The following NAPB variants were observed in gnomAD, a reference collection of about 807,000 sequenced individuals.
The protein encoded by NAPB is NSF attachment protein beta.
NAPB carries 26 observed loss-of-function variants against 44.7 expected under a neutral mutation model. The ratio of observed to expected loss-of-function variants is 0.58; its 90% CI spans 0.43 to 0.81. The LOEUF (loss-of-function observed/expected upper bound fraction) is 0.81. NAPB is among the 30% of genes least tolerant of loss of function. The pLI, the probability that NAPB is intolerant of heterozygous loss-of-function variation, is 0.00. For missense variants in NAPB, 315 were observed against 356.4 expected (o/e 0.88, Z 0.94); for synonymous variants, 120 against 116.8 (o/e 1.03, Z -0.18).
intron 8 of NAPB, among the ~76,000 whole-genome samples, chr20:23,380,371 C>CT (rs1245744493): frequency 6.6e-6 from 1 of 152,208 alleles, no homozygotes; most frequent in African/African-American, 2.4e-5. Flanking sequence ...GGCTGCCTGT[C>CT]TTTTTGCCTC....
chr20:23,397,303 G>T, intron 2 of NAPB, 115 bp from the exon 3 acceptor site: 1 of 1,300,584 alleles, frequency 7.7e-7, no homozygotes, highest in Non-Finnish European at 1.0e-6. Context: ...AAGCATTCTA[G>T]TCAGAAGCAA....
At chr20:23,419,720 T>C (rs1986253168) in intron 1 of NAPB, among the ~76,000 whole-genome samples, 4 of 152,226 alleles carry the variant, frequency 2.6e-5, no homozygotes, top group Admixed American at 2.6e-4. Context: ...AAACAAAACA[T>C]AATTCATAGC....
chr20:23,394,590 G>C, intron 5 of NAPB, among the ~76,000 whole-genome samples: 1 of 152,312 alleles, frequency 6.6e-6, no homozygotes, highest in African/African-American at 2.4e-5. Flanking sequence ...GTGTACAGAG[G>C]TGACCTCTTA....
chr20:23,395,225 TTCAG>T, intron 3 of NAPB, 40 bp from the exon 4 acceptor site: 1 of 1,610,126 alleles, frequency 6.2e-7, no homozygotes, highest in Non-Finnish European at 8.5e-7. Flanking sequence ...GAAAAATCCA[TTCAG>T]TCAAAGAGGG....
At position 23,375,002 on chromosome 20, in the gene NAPB, T is replaced by A. The variant is rs966294639; in HGVS notation, c.*2374A>T. The A allele has an allele frequency of 6.6e-6, 1 of 152,184 alleles. No homozygotes were observed. Among genetic ancestry groups the A allele is most frequent in the African/African-American group, 2.4e-5 (1 of 41,454 alleles). The allele number at this position is 152,184 out of a possible 1,614,324, so 9.4% of individuals were successfully genotyped here. A position where few individuals can be genotyped will look rare whatever the true frequency, so the allele number is the denominator to read the frequency against. On this transcript the variant is annotated 3_prime_UTR_variant, in exon 11 of 11. Transcript: ENST00000377026. ...TTGTTCATAAGTAACATTCTATAAA[T>A]CTTGAAGACCTAGCTCACAGGCATC...
Position 23,397,090 on chromosome 20 carries a change from T to G in NAPB, c.277A>C (p.Lys93Gln). The G allele has an allele frequency of 6.2e-7, 1 of 1,613,392 alleles. No homozygotes were observed. The highest frequency in any genetic ancestry group is 8.5e-7 in the Non-Finnish European group (1 of 1,179,370). Reference sequence around the variant, plus strand: ...GTCTTACCTTGGGGATCTGCCTTTTTGTAAGCATTTCCAGCATCCACAAAG... The same window carrying G: ...GTCTTACCTTGGGGATCTGCCTTTTGGTAAGCATTTCCAGCATCCACAAAG... ...TSFVDAGNAYKKADPQEAINC... is the reference protein window; with the variant it reads ...TSFVDAGNAYQKADPQEAINC... The change falls in exon 3 of 11, where the codon AAA (lysine) becomes CAA (glutamine). Residue 93 changes from lysine to glutamine, a missense_variant. Coordinates refer to ENST00000377026, the MANE Select transcript of NAPB (RefSeq NM_022080.3).
rs143746113 is a variant in NAPB, at chr20:23,391,188, G to A, written c.421-924C>T. Among the ~76,000 whole-genome samples the A allele has an allele frequency of 1.1e-3, 164 of 152,232 alleles. 2 individuals carry two copies. The East Asian group carries it at 0.024, about 22-fold the overall frequency. On this transcript the variant is annotated intron_variant, in intron 5 of 10. Transcript: ENST00000377026. ...TTAGCCGGGCGTGGTGTGGGCACCC[G>A]TAATCCCAGCTACTTGGGAGGCTGA...
intron 1 of NAPB, among the ~76,000 whole-genome samples, chr20:23,420,809 G>GC (rs66487020): frequency 0.075 from 11,180 of 148,576 alleles, 475 homozygotes; most frequent in East Asian, 0.17. Flanking sequence ...GAGGCTGACA[G>GC]CCCCCCCCCC....
Position 23,379,500 on chromosome 20 carries a change from T to C in NAPB, c.736-5A>G. The C allele has an allele frequency of 6.2e-7, 1 of 1,603,210 alleles. No individual in the cohort carries two copies. The highest frequency in any genetic ancestry group is 8.5e-7 in the Non-Finnish European group (1 of 1,175,818). ...TTCATGAGCTTCTAGGAGTTTCTGG[T>C]AGCATAAAAATATTTTAAAAAACAG... On this transcript the variant is annotated splice_region_variant and splice_polypyrimidine_tract_variant and intron_variant, in intron 9 of 10. Transcript: ENST00000377026.
At chr20:23,417,352 G>C (rs978614291) in intron 1 of NAPB, among the ~76,000 whole-genome samples, 1 of 152,206 alleles carries the variant, frequency 6.6e-6, no homozygotes, top group African/African-American at 2.4e-5. Flanking sequence ...CCAGAGTGCT[G>C]GGATTACAGG....
intron 1 of NAPB, among the ~76,000 whole-genome samples, chr20:23,419,067 T>C (rs1390349336): frequency 1.3e-5 from 2 of 152,234 alleles, no homozygotes; most frequent in Admixed American, 6.5e-5. Context: ...TGCTAATTAA[T>C]ATCTCATGGT....
chr20:23,396,052 C>T (rs1415435121), intron 3 of NAPB, among the ~76,000 whole-genome samples: 4 of 152,170 alleles, frequency 2.6e-5, no homozygotes, highest in East Asian at 1.9e-4. Context: ...TCAATAATCC[C>T]GCTCAAATCC....
At chr20:23,420,246 G>A (rs1222405261) in intron 1 of NAPB, among the ~76,000 whole-genome samples, 2 of 152,162 alleles carry the variant, frequency 1.3e-5, no homozygotes, top group Non-Finnish European at 1.5e-5. Context: ...AGGAGAGCAC[G>A]GAAGAATTAC....
chr20:23,389,230 T>TA (rs202242386), intron 7 of NAPB, among the ~76,000 whole-genome samples: 8,394 of 100,850 alleles, frequency 0.083, 333 homozygotes, highest in East Asian at 0.22. Flanking sequence ...TGACTATTAT[T>TA]TAAAAAAAAA....
intron 2 of NAPB, among the ~76,000 whole-genome samples, chr20:23,398,643 C>T (rs922222245): frequency 6.6e-6 from 1 of 151,976 alleles, no homozygotes; most frequent in Non-Finnish European, 1.5e-5. Context: ...GAGTTCGAGA[C>T]CAGCCTGGCC....
At chr20:23,411,116 G>C (rs187316489) in intron 1 of NAPB, among the ~76,000 whole-genome samples, 1 of 152,238 alleles carries the variant, frequency 6.6e-6, no homozygotes, top group African/African-American at 2.4e-5. Flanking sequence ...CATGTAATGA[G>C]AGTCCCTAAA....
At chr20:23,391,694 T>C (rs1279714248) in intron 5 of NAPB, among the ~76,000 whole-genome samples, 2 of 152,206 alleles carry the variant, frequency 1.3e-5, no homozygotes, top group East Asian at 3.8e-4. Context: ...ATAAGTGTGG[T>C]TGTGTTCCAA....
intron 1 of NAPB, among the ~76,000 whole-genome samples, chr20:23,418,813 G>A (rs2123278056): frequency 6.6e-6 from 1 of 152,068 alleles, no homozygotes; most frequent in Non-Finnish European, 1.5e-5. Context: ...CGGGCGTGGT[G>A]GCGGGTGGCT....
At chr20:23,394,417 G>C (rs1303333768) in intron 5 of NAPB, among the ~76,000 whole-genome samples, 1 of 152,168 alleles carries the variant, frequency 6.6e-6, no homozygotes, top group Non-Finnish European at 1.5e-5. Flanking sequence ...GGACATCTGA[G>C]AATCCAGTCC....
Sources: gnomAD v4.1 joint callset for allele counts (sites outside exome capture counted in the v4.1 genomes callset) on GRCh38, gnomAD v4.1.1 for gene constraint, MANE v1.5 for transcripts, NCBI Gene and HGNC (gene_info 2026-07-23, HGNC 2026-07-21) for gene names.